Variants in CNTNAP4 observed in about 807,000 individuals in gnomAD.
CNTNAP4 encodes the protein contactin-associated protein-like 4.
Under a neutral mutation model 148.4 loss-of-function variants are expected in CNTNAP4, and 98 were observed. The observed-to-expected ratio is 0.66, with a 90% CI of 0.56 to 0.78. CNTNAP4 has a LOEUF of 0.78. Ranked by LOEUF, CNTNAP4 falls within the 30% of genes least tolerant of loss-of-function variation. The pLI, the probability that CNTNAP4 is intolerant of heterozygous loss-of-function variation, is 0.00. For missense variants in CNTNAP4, 1,935 were observed against 1,565.6 expected, an observed-to-expected ratio of 1.24 and a Z score of -3.98; for synonymous variants, 730 against 565.1, an observed-to-expected ratio of 1.29 and a Z score of -4.14.
In CNTNAP4 at chr16:76,328,373, C is replaced by G. The variant is rs550402772; in HGVS notation, c.196+11850C>G. On this transcript the variant is annotated intron_variant, in intron 2 of 23. Coordinates refer to ENST00000611870, the MANE Select transcript of CNTNAP4 (RefSeq NM_033401.5). ...TCTACACAATACCTGACCAGCCATTCTCAGAAATGTTAAGGTTGTCAAAAA... is the reference window on the plus strand; with the variant it reads ...TCTACACAATACCTGACCAGCCATTGTCAGAAATGTTAAGGTTGTCAAAAA... 9.1e-4 allele frequency among the ~76,000 whole-genome samples: 138 copies of G among 152,274 alleles called. 2 individuals are homozygous for G. Among genetic ancestry groups the G allele is most frequent in the African/African-American group, 3.3e-3 (135 of 41,536 alleles).
At chr16:76,531,632 A>G (rs751198038) in intron 17 of CNTNAP4, among the ~76,000 whole-genome samples, 7 of 152,134 alleles carry the variant, frequency 4.6e-5, no homozygotes, top group Non-Finnish European at 8.8e-5. Flanking sequence ...CCAAACTGCA[A>G]CTCATTTTAA....
rs560292987 is a variant in CNTNAP4 at position 76,333,540 on chromosome 16, G to A, written c.196+17017G>A. ...CATTGTTTCCTTTAGCTCTTTGAGC[G>A]TATTAAAGATAGCTGATTTAAAATC... On this transcript the variant is annotated intron_variant, in intron 2 of 23. Transcript: ENST00000611870. Among the ~76,000 whole-genome samples the A allele has an allele frequency of 1.2e-4, 19 of 152,036 alleles. No individual in the cohort carries two copies. The South Asian group carries it at 1.7e-3, about 13-fold the overall frequency.
intron 3 of CNTNAP4, among the ~76,000 whole-genome samples, chr16:76,362,223 A>G (rs537137891): frequency 6.6e-6 from 1 of 152,312 alleles, no homozygotes; most frequent in East Asian, 1.9e-4. Context: ...TACACTGAAA[A>G]CTACAAAACA....
chr16:76,294,890 C>G (rs1959196887), intron 1 of CNTNAP4, among the ~76,000 whole-genome samples: 1 of 152,218 alleles, frequency 6.6e-6, no homozygotes, highest in Non-Finnish European at 1.5e-5. Context: ...TTTCGACTCT[C>G]AGATACACAA....
At chr16:76,280,320 CA>C (rs1487939387) in intron 1 of CNTNAP4, among the ~76,000 whole-genome samples, 1 of 152,048 alleles carries the variant, frequency 6.6e-6, no homozygotes, top group Non-Finnish European at 1.5e-5. Flanking sequence ...AATTAAACAG[CA>C]GGGAAACTTT....
At chr16:76,541,891 G>A (rs996958635) in intron 21 of CNTNAP4, among the ~76,000 whole-genome samples, 2 of 152,194 alleles carry the variant, frequency 1.3e-5, no homozygotes, top group East Asian at 1.9e-4. Flanking sequence ...CTTCTTAGAT[G>A]TTTGGAAGCT....
intron 1 of CNTNAP4, among the ~76,000 whole-genome samples, chr16:76,294,549 T>C (rs1409347410): frequency 1.3e-5 from 2 of 152,210 alleles, no homozygotes; most frequent in East Asian, 1.9e-4. Context: ...GTGAATTGTA[T>C]CTAAGAAAGA....
intron 9 of CNTNAP4, 25 bp from the exon 10 acceptor site, chr16:76,467,327 A>C (rs766884676): frequency 3.1e-6 from 5 of 1,608,944 alleles, no homozygotes; most frequent in Non-Finnish European, 4.3e-6. Context: ...TGTGATGCGT[A>C]CTGGATTTAT....
chr16:76,305,116 G>A (rs1470265614), intron 1 of CNTNAP4, among the ~76,000 whole-genome samples: 6 of 152,158 alleles, frequency 3.9e-5, no homozygotes, highest in Non-Finnish European at 8.8e-5. Flanking sequence ...TGGGATATAT[G>A]TAAATTGCAC....
Position 76,365,751 on chromosome 16 carries a change from C to CAAA in CNTNAP4, c.390+10257_390+10259dup, listed in dbSNP as rs35586454. 9.8e-3 allele frequency among the ~76,000 whole-genome samples: 979 copies of CAAA among 100,012 alleles called. 29 individuals carry two copies. Among genetic ancestry groups the CAAA allele is most frequent in the African/African-American group, 0.03 (731 of 24,642 alleles). The allele number at this position is 100,012 out of a possible 152,430, so 65.6% of individuals were successfully genotyped here. The stretch of plus-strand genomic sequence containing the variant: ...TGGGGGACAGAGTGAGACTCCGTCT[C>CAAA]AAAAAAAAAAAAAAAAAAACCTAAG... On this transcript the variant is annotated intron_variant, in intron 3 of 23. Coordinates refer to ENST00000611870, the MANE Select transcript of CNTNAP4 (RefSeq NM_033401.5).
chr16:76,502,117 CTAAT>C (rs1229105839), intron 15 of CNTNAP4, among the ~76,000 whole-genome samples: 1 of 152,128 alleles, frequency 6.6e-6, no homozygotes, highest in Non-Finnish European at 1.5e-5. Context: ...TAGAGACCCA[CTAAT>C]TAATCTCTGA....
chr16:76,453,290 A>G (rs182350550), intron 8 of CNTNAP4, among the ~76,000 whole-genome samples: 1 of 152,324 alleles, frequency 6.6e-6, no homozygotes, highest in Non-Finnish European at 1.5e-5. Context: ...GAGGGGATGC[A>G]AAGATTTATG....
intron 2 of CNTNAP4, among the ~76,000 whole-genome samples, chr16:76,340,470 C>A (rs1184377402): frequency 6.6e-6 from 1 of 152,148 alleles, no homozygotes; most frequent in Non-Finnish European, 1.5e-5. Flanking sequence ...TGAGCACCAC[C>A]ACCCAGAATG....
At chr16:76,420,924 A>G (rs970978361) in intron 3 of CNTNAP4, among the ~76,000 whole-genome samples, 1 of 151,972 alleles carries the variant, frequency 6.6e-6, no homozygotes, top group Non-Finnish European at 1.5e-5. Context: ...GTTATTGTCC[A>G]TCTCAATAAA....
At chr16:76,522,690 TC>T (rs1350677727) in intron 17 of CNTNAP4, among the ~76,000 whole-genome samples, 1 of 6,386 alleles carries the variant, frequency 1.6e-4, no homozygotes, top group Admixed American at 2.2e-3. Flanking sequence ...TTCTCTCCTT[TC>T]TTTTCTTTTC....
intron 3 of CNTNAP4, among the ~76,000 whole-genome samples, chr16:76,384,159 T>A (rs546818346): frequency 2.6e-5 from 4 of 152,194 alleles, no homozygotes; most frequent in African/African-American, 7.2e-5. Flanking sequence ...TTCTCCTGCC[T>A]CAGCCTCCTG....
intron 12 of CNTNAP4, among the ~76,000 whole-genome samples, chr16:76,487,646 T>C (rs918871325): frequency 6.6e-6 from 1 of 152,222 alleles, no homozygotes; most frequent in Non-Finnish European, 1.5e-5. Flanking sequence ...ACAATTTCAT[T>C]GTGTCTGTTC....
At chr16:76,432,925 A>G (rs920875242) in intron 4 of CNTNAP4, among the ~76,000 whole-genome samples, 2 of 152,122 alleles carry the variant, frequency 1.3e-5, no homozygotes, top group Admixed American at 6.6e-5. Flanking sequence ...TTTCTGCATG[A>G]TGCCTAGGGC....
rs765523312 is a variant in CNTNAP4 at position 76,448,919 on chromosome 16, G to C, written c.895G>C (p.Gly299Arg). The change falls in exon 6 of 24, where the codon GGA (glycine) becomes CGA (arginine). Residue 299 changes from glycine (G) to arginine (R), a missense_variant. Gly to Arg is a moderately radical substitution (Grantham distance 125). Transcript: ENST00000611870. Reference protein sequence around the residue: ...DEHRHHFHARGEFNLMNLDYE... With the variant: ...DEHRHHFHARREFNLMNLDYE... Reference sequence around the variant, plus strand: ...ACACAGGCATCATTTCCATGCACGGGGAGAATTCAATCTCATGAATCTTGA... The same window carrying C: ...ACACAGGCATCATTTCCATGCACGGCGAGAATTCAATCTCATGAATCTTGA... 6.2e-7 allele frequency: 1 copy of C among 1,613,626 alleles called. No homozygotes were observed. The highest frequency in any genetic ancestry group is 1.1e-5 in the South Asian group (1 of 90,996).
Sources: allele counts gnomAD v4.1 joint callset (sites outside exome capture counted in the v4.1 genomes callset), GRCh38; gene constraint gnomAD v4.1.1; transcripts MANE v1.5; gene names NCBI Gene and HGNC (gene_info 2026-07-23, HGNC 2026-07-21).